The following TNFAIP8L3 variants were observed in gnomAD, a reference collection of about 807,000 sequenced individuals.
TNFAIP8L3 encodes the protein tumor necrosis factor alpha-induced protein 8-like protein 3.
Under a neutral mutation model 11.8 loss-of-function variants are expected in TNFAIP8L3, and 7 were observed. The observed-to-expected ratio is 0.59, with a 90% CI of 0.34 to 1.11. The LOEUF (loss-of-function observed/expected upper bound fraction) is 1.11. TNFAIP8L3 is among the 50% of genes most tolerant of loss of function. The probability of loss-of-function intolerance (pLI) is 0.03; values close to 1 mark genes in which losing one functional copy is unlikely to be tolerated. For missense variants in TNFAIP8L3, 219 were observed against 258.6 expected (o/e 0.85, Z 1.05); for synonymous variants, 98 against 103.8 (o/e 0.94, Z 0.34).
intron 1 of TNFAIP8L3, among the ~76,000 whole-genome samples, chr15:51,077,804 G>A (rs1040768664): frequency 6.6e-6 from 1 of 152,230 alleles, no homozygotes; most frequent in Non-Finnish European, 1.5e-5. Context: ...GGCAGGGGGA[G>A]GAGCCTGGAC....
intron 1 of TNFAIP8L3, among the ~76,000 whole-genome samples, chr15:51,076,822 A>C (rs1325247473): frequency 6.6e-6 from 1 of 152,212 alleles, no homozygotes; most frequent in Non-Finnish European, 1.5e-5. Flanking sequence ...TGGGTCTGTT[A>C]AATGAGAAAG....
upstream of TNFAIP8L3, among the ~76,000 whole-genome samples, chr15:51,098,538 G>T (rs2065528935): frequency 6.6e-6 from 1 of 152,166 alleles, no homozygotes; most frequent in Non-Finnish European, 1.5e-5. Context: ...ACAGAACATG[G>T]TGCTAGAAGA....
rs1390742070 is a variant in TNFAIP8L3, at chr15:51,057,580, C to T, written c.*301G>A. 4 of 254,040 alleles carry T rather than the reference C, an allele frequency of 1.6e-5. No individual in the cohort carries two copies. The highest frequency in any genetic ancestry group is 3.0e-5 in the Non-Finnish European group (4 of 132,478). 15.7% of individuals were successfully genotyped at this position (254,040 alleles called of 1,614,324 possible). A position where few individuals can be genotyped will look rare whatever the true frequency, so the allele number is the denominator to read the frequency against. Reference sequence around the variant, plus strand: ...GTCCTCTGTCTCCTGGTTTAGTGCTCCTCCCACTCCATGAGATGAACAGCA... The same window carrying T: ...GTCCTCTGTCTCCTGGTTTAGTGCTTCTCCCACTCCATGAGATGAACAGCA... On this transcript the variant is annotated 3_prime_UTR_variant, in exon 2 of 2. Transcript: ENST00000637513.
At chr15:51,089,607 ATCTT>A in intron 1 of TNFAIP8L3, among the ~76,000 whole-genome samples, 1 of 152,354 alleles carries the variant, frequency 6.6e-6, no homozygotes, top group South Asian at 2.1e-4. Flanking sequence ...CAGTACAGAA[ATCTT>A]AAAACACTAA....
chr15:51,087,383 G>T (rs1430272348), intron 1 of TNFAIP8L3, among the ~76,000 whole-genome samples: 1 of 152,148 alleles, frequency 6.6e-6, no homozygotes. Context: ...TAACCCACAG[G>T]CTCCAAATCA....
chr15:51,061,584 A>G (rs747212134), intron 1 of TNFAIP8L3, among the ~76,000 whole-genome samples: 9 of 152,168 alleles, frequency 5.9e-5, no homozygotes, highest in South Asian at 2.1e-4. Flanking sequence ...TTGAAATTGT[A>G]TCTCTATTCT....
At chr15:51,076,505 C>T (rs1459105424) in intron 1 of TNFAIP8L3, among the ~76,000 whole-genome samples, 1 of 152,194 alleles carries the variant, frequency 6.6e-6, no homozygotes, top group African/African-American at 2.4e-5. Flanking sequence ...ATTTTTTATA[C>T]TTCATGGTAA....
At chr15:51,091,334 C>T (rs990712165) in intron 1 of TNFAIP8L3, among the ~76,000 whole-genome samples, 5 of 152,112 alleles carry the variant, frequency 3.3e-5, no homozygotes, top group African/African-American at 1.2e-4. Context: ...GAAAGTAGTA[C>T]AGTAAAAAGT....
At chr15:51,100,236 G>A (rs745908249) in intron 1 of TNFAIP8L3, among the ~76,000 whole-genome samples, 14 of 152,302 alleles carry the variant, frequency 9.2e-5, no homozygotes, top group South Asian at 2.1e-4. Context: ...TTTTGAGGAG[G>A]TCTTACACAG....
chr15:51,096,564 C>G (rs1459668016), upstream of TNFAIP8L3, among the ~76,000 whole-genome samples: 1 of 152,058 alleles, frequency 6.6e-6, no homozygotes, highest in African/African-American at 2.4e-5. Context: ...TTTAGAAAAA[C>G]AAAATATTTT....
In TNFAIP8L3 at chr15:51,088,527, T is replaced by C. The variant is rs1220379161; in HGVS notation, c.52+6017A>G. 2.0e-5 allele frequency among the ~76,000 whole-genome samples: 3 copies of C among 152,168 alleles called. No individual in the cohort carries two copies. In the East Asian group the frequency reaches 5.8e-4, roughly 29 times the overall value. On this transcript the variant is annotated intron_variant, in intron 1 of 1. Transcript: ENST00000637513. ...AGGAGCACATCTAAATGCATTTCTG[T>C]ATACTATCACAGCACCTGGCACCAC...
intron 1 of TNFAIP8L3, among the ~76,000 whole-genome samples, chr15:51,067,501 G>C (rs2065279738): frequency 6.6e-6 from 1 of 152,128 alleles, no homozygotes; most frequent in Non-Finnish European, 1.5e-5. Context: ...CCTCTATTTA[G>C]GTTTCCTTTT....
chr15:51,090,518 C>T (rs2140980504), intron 1 of TNFAIP8L3, among the ~76,000 whole-genome samples: 1 of 152,302 alleles, frequency 6.6e-6, no homozygotes, highest in Admixed American at 6.5e-5. Context: ...AGCTTTATCT[C>T]CCAGAACTCC....
Position 51,094,647 on chromosome 15 carries a change from C to T in TNFAIP8L3, c.-52G>A. ...CGGCCACCCGCCCGTCTGCGGGGCG[C>T]TCGGGCAGCCGCGGCGCACTCAGGG... On this transcript the variant is annotated 5_prime_UTR_variant, in exon 1 of 2. Coordinates refer to ENST00000637513, the MANE Select transcript of TNFAIP8L3 (RefSeq NM_001311175.2). The surrounding 1 kb of genome is among the most constrained non-coding windows in gnomAD (Gnocchi z 4.4). The T allele has an allele frequency of 4.3e-6, 6 of 1,381,918 alleles. No homozygotes were observed. Among genetic ancestry groups the T allele is most frequent in the Non-Finnish European group, 5.6e-6 (6 of 1,068,664 alleles). 85.6% of individuals were successfully genotyped at this position (1,381,918 alleles called of 1,614,324 possible). A position where few individuals can be genotyped will look rare whatever the true frequency, so the allele number is the denominator to read the frequency against.
chr15:51,080,048 T>C (rs1466817418), intron 1 of TNFAIP8L3, among the ~76,000 whole-genome samples: 5 of 152,282 alleles, frequency 3.3e-5, no homozygotes, highest in Admixed American at 2.6e-4. Flanking sequence ...GCTTACACTG[T>C]TAATTCTTGA....
intron 1 of TNFAIP8L3, among the ~76,000 whole-genome samples, chr15:51,061,857 G>T (rs1218720778): frequency 6.6e-6 from 1 of 152,118 alleles, no homozygotes; most frequent in Non-Finnish European, 1.5e-5. Flanking sequence ...TATTGGAAAT[G>T]CACCTCTAAA....
intron 1 of TNFAIP8L3, among the ~76,000 whole-genome samples, chr15:51,075,899 C>G (rs2065345849): frequency 6.6e-6 from 1 of 152,146 alleles, no homozygotes; most frequent in East Asian, 1.9e-4. Flanking sequence ...AACAACTAGA[C>G]AAACTGTTAG....
intron 1 of TNFAIP8L3, among the ~76,000 whole-genome samples, chr15:51,077,597 G>A (rs918329524): frequency 1.6e-4 from 25 of 152,150 alleles, no homozygotes; most frequent in African/African-American, 5.6e-4. Flanking sequence ...ACAGCCAAGG[G>A]GTCCCTTGCA....
chr15:51,084,668 GA>G (rs2065414755), intron 1 of TNFAIP8L3, among the ~76,000 whole-genome samples: 1 of 152,196 alleles, frequency 6.6e-6, no homozygotes, highest in African/African-American at 2.4e-5. Context: ...GCAGAGTTGG[GA>G]AAAAGTGAGG....
Sources: gnomAD v4.1 joint callset for allele counts (sites outside exome capture counted in the v4.1 genomes callset) on GRCh38, gnomAD v4.1.1 for gene constraint, Gnocchi (gnomAD v3.1) non-coding constraint, MANE v1.5 for transcripts, NCBI Gene and HGNC (gene_info 2026-07-23, HGNC 2026-07-21) for gene names.